The following CHD9 variants were observed in gnomAD, a reference collection of about 807,000 sequenced individuals.
The protein encoded by CHD9 is chromodomain helicase DNA binding protein 9.
A neutral mutation model predicts 316.1 loss-of-function variants in CHD9; 77 were observed. The observed-to-expected ratio is 0.24, with a 90% confidence interval of 0.20 to 0.29. The LOEUF (loss-of-function observed/expected upper bound fraction) is 0.29. CHD9 is among the 10% of genes least tolerant of loss of function. CHD9 has a pLI of 1.00. For missense variants in CHD9, 2,763 were observed against 3,438.1 expected (o/e 0.80, Z 4.91); for synonymous variants, 1,129 against 1,158.3 (o/e 0.97, Z 0.51).
At chr16:53,066,224 A>G (rs9937509) in intron 1 of CHD9, among the ~76,000 whole-genome samples, 38,328 of 151,986 alleles carry the variant, frequency 0.25, 5,019 homozygotes, top group South Asian at 0.34. Context: ...GCAGCATCAC[A>G]ATTTTAAACT....
At chr16:53,280,340 T>A (rs2053286710) in intron 24 of CHD9, among the ~76,000 whole-genome samples, 1 of 152,178 alleles carries the variant, frequency 6.6e-6, no homozygotes, top group Non-Finnish European at 1.5e-5. Flanking sequence ...GGAATACTAC[T>A]CAGCCATAAA....
chr16:53,219,279 A>G (rs1465141570), intron 3 of CHD9, among the ~76,000 whole-genome samples: 3 of 152,200 alleles, frequency 2.0e-5, no homozygotes, highest in Admixed American at 6.5e-5. Flanking sequence ...ATGTGTAATA[A>G]GCAATTAGTT....
intron 1 of CHD9, among the ~76,000 whole-genome samples, chr16:53,132,022 C>T (rs1362079522): frequency 6.6e-6 from 1 of 152,176 alleles, no homozygotes; most frequent in African/African-American, 2.4e-5. Flanking sequence ...CCGGAAAGCC[C>T]GGGTGTCTCA....
intron 1 of CHD9, among the ~76,000 whole-genome samples, chr16:53,110,724 T>C (rs1597022149): frequency 6.6e-6 from 1 of 152,216 alleles, no homozygotes; most frequent in Non-Finnish European, 1.5e-5. Context: ...ACTGAGCAAC[T>C]GCACTCCAGC....
At position 53,113,502 on chromosome 16, in the gene CHD9, G is replaced by A. The variant is rs145421880; in HGVS notation, c.-164-42424G>A. Reference sequence around the variant, plus strand: ...TAATTTTTGTATTTTTAGTAGAGACGGGGTTTCACCATGTTGGCCAGGATA... The same window carrying A: ...TAATTTTTGTATTTTTAGTAGAGACAGGGTTTCACCATGTTGGCCAGGATA... On this transcript the variant is annotated intron_variant, in intron 1 of 38. Coordinates refer to ENST00000447540, the MANE Select transcript of CHD9 (RefSeq NM_001308319.2). Among the ~76,000 whole-genome samples, 1,036 of 151,102 alleles carry A rather than the reference G, an allele frequency of 6.9e-3. 10 individuals are homozygous for A. Among genetic ancestry groups the A allele is most frequent in the African/African-American group, 0.024 (997 of 41,196 alleles).
chr16:53,109,842 G>A (rs1353514969), intron 1 of CHD9, among the ~76,000 whole-genome samples: 2 of 151,176 alleles, frequency 1.3e-5, no homozygotes, highest in Non-Finnish European at 2.9e-5. Context: ...CCGCCACCAC[G>A]CCCGGCTAAT....
chr16:53,135,604 A>G (rs990857639), intron 1 of CHD9, among the ~76,000 whole-genome samples: 1 of 152,136 alleles, frequency 6.6e-6, no homozygotes, highest in African/African-American at 2.4e-5. Flanking sequence ...ATTTACTGAG[A>G]TGAAGAAGAT....
chr16:53,097,345 C>A (rs887936023), intron 1 of CHD9, among the ~76,000 whole-genome samples: 7 of 148,012 alleles, frequency 4.7e-5, no homozygotes, highest in Admixed American at 4.1e-4. Flanking sequence ...ATTCCTCTAA[C>A]CTCGCTCTCC....
intron 2 of CHD9, among the ~76,000 whole-genome samples, chr16:53,201,081 A>T (rs1162653742): frequency 1.3e-4 from 20 of 152,198 alleles, no homozygotes; most frequent in Admixed American, 1.3e-3. Flanking sequence ...ACCAGAACCC[A>T]GGGCTGGCTG....
chr16:53,240,312 A>G (rs2048980378), intron 12 of CHD9, among the ~76,000 whole-genome samples: 2 of 152,216 alleles, frequency 1.3e-5, no homozygotes, highest in African/African-American at 4.8e-5. Context: ...AAGCACAACT[A>G]ATATCTTGAG....
intron 1 of CHD9, among the ~76,000 whole-genome samples, chr16:53,117,449 C>G (rs1160943171): frequency 6.6e-6 from 1 of 152,016 alleles, no homozygotes; most frequent in Non-Finnish European, 1.5e-5. Flanking sequence ...GAATCTCACT[C>G]TGTTGCCTAG....
chr16:53,224,829 G>A (rs976635082), intron 4 of CHD9, among the ~76,000 whole-genome samples: 8 of 152,114 alleles, frequency 5.3e-5, no homozygotes, highest in African/African-American at 1.9e-4. Context: ...CCTAGTGTTA[G>A]AAATCCATAG....
chr16:53,219,638 A>AT (rs1316186864), intron 3 of CHD9, among the ~76,000 whole-genome samples: 2 of 152,168 alleles, frequency 1.3e-5, no homozygotes, highest in Admixed American at 6.5e-5. Flanking sequence ...ACACATTATG[A>AT]TTTTTTAAAG....
chr16:53,201,392 C>A (rs1371664696), intron 2 of CHD9, among the ~76,000 whole-genome samples: 1 of 152,030 alleles, frequency 6.6e-6, no homozygotes, highest in Non-Finnish European at 1.5e-5. Flanking sequence ...TTATCAAAAC[C>A]ACTTAGTACC....
At chr16:53,061,667 A>T (rs2032921286) in intron 1 of CHD9, among the ~76,000 whole-genome samples, 1 of 152,120 alleles carries the variant, frequency 6.6e-6, no homozygotes, top group African/African-American at 2.4e-5. Context: ...AGGCAGGGAG[A>T]CTGGGGTATA....
chr16:53,101,435 C>A (rs2036878646), intron 1 of CHD9, among the ~76,000 whole-genome samples: 1 of 152,068 alleles, frequency 6.6e-6, no homozygotes, highest in East Asian at 1.9e-4. Context: ...CCACCACACT[C>A]AACTAATTTT....
Position 53,304,069 on chromosome 16 carries a change from A to G in CHD9, c.6063A>G (p.Val2021=). The G allele has an allele frequency of 1.2e-6, 2 of 1,614,066 alleles. No homozygotes were observed. The highest frequency in any genetic ancestry group is 1.7e-6 in the Non-Finnish European group (2 of 1,179,898). ...TSTPLLQQYQ[V]ALSASPLTSL... is the part of the protein sequence containing the mutation. The stretch of plus-strand genomic sequence containing the variant: ...CCCCACTTCTACAGCAATATCAAGT[A>G]GCACTTTCTGCTTCTCCTCTTACCT... Residue 2021 remains valine (V), a synonymous_variant, in exon 31 of 39, where the codon GTA becomes GTG. Coordinates refer to ENST00000447540, the MANE Select transcript of CHD9 (RefSeq NM_001308319.2).
At position 53,150,839 on chromosome 16, in the gene CHD9, T is replaced by C. The variant is rs574180686; in HGVS notation, c.-164-5087T>C. On this transcript the variant is annotated intron_variant, in intron 1 of 38. Transcript: ENST00000447540. ...TCATGGTTTCTGATGAGAAATCCACTTGTATCTTGTTGAGGCCCTTGTGTA... is the reference window on the plus strand; with the variant it reads ...TCATGGTTTCTGATGAGAAATCCACCTGTATCTTGTTGAGGCCCTTGTGTA... Among the ~76,000 whole-genome samples, 505 of 152,338 alleles carry C rather than the reference T, an allele frequency of 3.3e-3. 1 individual carries two copies. Among genetic ancestry groups the C allele is most frequent in the Non-Finnish European group, 5.2e-3 (356 of 68,022 alleles).
At position 53,146,419 on chromosome 16, in the gene CHD9, G is replaced by GTGTATATATATATATATATATATATATA. The variant is rs1555492145; in HGVS notation, c.-164-9506_-164-9505insGTATATATATATATATATATATATATAT. Among the ~76,000 whole-genome samples, 125 of 76,656 alleles carry GTGTATATATATATATATATATATATATA rather than the reference G, an allele frequency of 1.6e-3. 4 individuals carry two copies. The highest frequency in any genetic ancestry group is 5.7e-3 in the Middle Eastern group (1 of 176). 50.3% of individuals were successfully genotyped at this position (76,656 alleles called of 152,430 possible). A position where few individuals can be genotyped will look rare whatever the true frequency, so the allele number is the denominator to read the frequency against. On this transcript the variant is annotated intron_variant, in intron 1 of 38. Transcript: ENST00000447540. ...AAAAAAAAATTGTGTGTGTGTGTAT[G>GTGTATATATATATATATATATATATATA]TATATATATATATATATAATTAAAA...
Sources: allele counts gnomAD v4.1 joint callset (sites outside exome capture counted in the v4.1 genomes callset), GRCh38; gene constraint gnomAD v4.1.1; transcripts MANE v1.5; gene names NCBI Gene and HGNC (gene_info 2026-07-23, HGNC 2026-07-21).